The following WDR75 variants were observed in gnomAD, a reference collection of about 807,000 sequenced individuals.
The protein encoded by WDR75 is WD repeat-containing protein 75.
In WDR75, 52 loss-of-function variants were observed where a neutral mutation model predicts 106.1. The observed-to-expected ratio is 0.49, with a 90% CI of 0.39 to 0.62. The LOEUF (loss-of-function observed/expected upper bound fraction) is 0.62. Ranked by LOEUF, WDR75 falls within the 20% of genes least tolerant of loss-of-function variation. WDR75 has a pLI of 0.00. For synonymous variants in WDR75, 333 were observed against 335.5 expected (o/e 0.99, Z 0.08); for missense variants, 905 against 970.3 (o/e 0.93, Z 0.89).
chr2:189,462,359 T>C, intron 8 of WDR75, 125 bp from the exon 9 acceptor site: 1 of 1,109,082 alleles, frequency 9.0e-7, no homozygotes, highest in Non-Finnish European at 1.3e-6. Flanking sequence ...ACGAAGACAC[T>C]TTTTGTAGCT....
Position 189,466,441 on chromosome 2 carries a change from A to T in WDR75, c.1306A>T (p.Lys436Ter), listed in dbSNP as rs1687000701. The change falls in exon 13 of 21, where the codon AAA becomes TAA. Residue 436 changes from lysine (K) to a stop codon, truncating the protein, a stop_gained. Transcript: ENST00000314761. LOFTEE classifies it high-confidence loss of function. Reference sequence around the variant, plus strand: ...TCCCGCTAGGTTTATTCTTAACACTAAAATTAACATGCCACACGAAGACTG... The same window carrying T: ...TCCCGCTAGGTTTATTCTTAACACTTAAATTAACATGCCACACGAAGACTG... ...KKTQGFILNTKINMPHEDCIT... is the reference protein window; with the variant it reads ...KKTQGFILNT The T allele has an allele frequency of 6.2e-7, 1 of 1,612,512 alleles. No homozygotes were observed.
intron 20 of WDR75, 115 bp downstream of exon 20, chr2:189,474,923 A>T (rs1305041185): frequency 2.1e-5 from 19 of 899,856 alleles, no homozygotes; most frequent in Non-Finnish European, 3.1e-5. Flanking sequence ...CATAAGTTTT[A>T]AAATAGATTT....
At chr2:189,458,636 G>T in intron 6 of WDR75, 117 bp from the exon 7 acceptor site, 3 of 800,808 alleles carry the variant, frequency 3.7e-6, no homozygotes, top group South Asian at 7.7e-5. Context: ...TATATTTATT[G>T]AATTCTGAGC....
At chr2:189,453,598 T>G (rs959266912) in intron 4 of WDR75, among the ~76,000 whole-genome samples, 9 of 152,192 alleles carry the variant, frequency 5.9e-5, no homozygotes, top group African/African-American at 2.2e-4. Flanking sequence ...GATCTTGTGT[T>G]GTAATCTAAA....
At position 189,466,712 on chromosome 2, in the gene WDR75, T is replaced by G. The variant is rs1446605761; in HGVS notation, c.1447+130T>G. On this transcript the variant is annotated intron_variant, in intron 13 of 20. Transcript: ENST00000314761. ...GAATTCTACAGGATATTGCTTAATCTTAATAGATTTAAGAGATTACATTTT... is the reference window on the plus strand; with the variant it reads ...GAATTCTACAGGATATTGCTTAATCGTAATAGATTTAAGAGATTACATTTT... The G allele has an allele frequency of 3.3e-6, 3 of 917,360 alleles. No homozygotes were observed. In the African/African-American group the frequency reaches 5.1e-5, roughly 16 times the overall value. The allele number at this position is 917,360 out of a possible 1,614,324, so 56.8% of individuals were successfully genotyped here. A position where few individuals can be genotyped will look rare whatever the true frequency, so the allele number is the denominator to read the frequency against.
chr2:189,454,615 G>A (rs187642878), intron 4 of WDR75, among the ~76,000 whole-genome samples: 9,741 of 151,276 alleles, frequency 0.064, 477 homozygotes, highest in African/African-American at 0.14. Flanking sequence ...TCCACCTCCC[G>A]GGTTCACGCC....
chr2:189,447,941 T>C (rs375584072), intron 1 of WDR75, among the ~76,000 whole-genome samples: 9 of 152,326 alleles, frequency 5.9e-5, no homozygotes, highest in East Asian at 1.9e-4. Context: ...AGGGACCCAA[T>C]TGGAGATAAC....
In WDR75 at chr2:189,466,474, GCTCT is replaced by G; in HGVS notation, c.1342_1345del (p.Leu448ValfsTer27). On this transcript the variant is annotated frameshift_variant, in exon 13 of 21. Transcript: ENST00000314761. LOFTEE classifies it high-confidence loss of function. ...CATGCCACACGAAGACTGCATTACAGCTCTCTGTTTCTGTAATGCAGAAAAATCT... is the reference window on the plus strand; with the variant it reads ...CATGCCACACGAAGACTGCATTACAGCTGTTTCTGTAATGCAGAAAAATCT... 1.2e-6 allele frequency: 2 copies of G among 1,613,186 alleles called. No individual in the cohort carries two copies. Among genetic ancestry groups the G allele is most frequent in the Non-Finnish European group, 1.7e-6 (2 of 1,179,424 alleles).
At chr2:189,441,932 G>A (rs1271881121) in intron 1 of WDR75, among the ~76,000 whole-genome samples, 2 of 152,154 alleles carry the variant, frequency 1.3e-5, no homozygotes, top group African/African-American at 2.4e-5. Flanking sequence ...TCATGTTTTG[G>A]AGTGACTAAA....
intron 18 of WDR75, 36 bp from the exon 19 acceptor site, chr2:189,474,150 T>C (rs779671071): frequency 3.8e-6 from 6 of 1,586,796 alleles, no homozygotes; most frequent in Non-Finnish European, 5.1e-6. Context: ...CTTCCTTTTT[T>C]CTGAAATAAT....
At position 189,459,299 on chromosome 2, in the gene WDR75, C is replaced by T. The variant is rs1433341586; in HGVS notation, c.690-37C>T. On this transcript the variant is annotated intron_variant, in intron 7 of 20. Coordinates refer to ENST00000314761, the MANE Select transcript of WDR75 (RefSeq NM_032168.3). ...ATGCCATTGTTTTCCTAACTTAAAC[C>T]TATGGTCAAAATAAGAGTTTTATCT... 1.0e-5 allele frequency: 15 copies of T among 1,505,250 alleles called. No homozygotes were observed. In the African/African-American group the frequency reaches 1.7e-4, roughly 17 times the overall value. 93.2% of individuals were successfully genotyped at this position (1,505,250 alleles called of 1,614,324 possible). A position where few individuals can be genotyped will look rare whatever the true frequency, so the allele number is the denominator to read the frequency against.
intron 15 of WDR75, among the ~76,000 whole-genome samples, chr2:189,468,890 TTACTAATCTACA>T (rs1687058620): frequency 6.6e-6 from 1 of 152,230 alleles, no homozygotes; most frequent in Non-Finnish European, 1.5e-5. Context: ...TTTTTAATAC[TTACTAATCTACA>T]TTATCCCTGA....
In WDR75 at chr2:189,470,065, T is replaced by C. The variant is rs374286844; in HGVS notation, c.1820-11T>C. 3 of 1,606,180 alleles carry C rather than the reference T, an allele frequency of 1.9e-6. No individual in the cohort carries two copies. In the African/African-American group the frequency reaches 4.0e-5, roughly 22 times the overall value. On this transcript the variant is annotated splice_polypyrimidine_tract_variant and intron_variant, in intron 16 of 20. Transcript: ENST00000314761. Reference sequence around the variant, plus strand: ...GCAAAATGTTATTGTTTCTTTGTTTTTTCCCTCTAGTGTTTGTATTTAAAC... The same window carrying C: ...GCAAAATGTTATTGTTTCTTTGTTTCTTCCCTCTAGTGTTTGTATTTAAAC...
At chr2:189,441,974 C>T (rs1300984120) in intron 1 of WDR75, among the ~76,000 whole-genome samples, 2 of 152,188 alleles carry the variant, frequency 1.3e-5, no homozygotes, top group South Asian at 2.1e-4. Context: ...TCTACCCACT[C>T]CTCACTCCTG....
intron 2 of WDR75, chr2:189,449,627 T>C: frequency 2.9e-6 from 3 of 1,038,168 alleles, no homozygotes; most frequent in Non-Finnish European, 3.5e-6. Flanking sequence ...TCAGATTTGG[T>C]TGAGGTGCAG....
At chr2:189,455,924 G>C (rs1371375737) in intron 5 of WDR75, among the ~76,000 whole-genome samples, 2 of 151,942 alleles carry the variant, frequency 1.3e-5, no homozygotes, top group African/African-American at 4.8e-5. Flanking sequence ...TGCAGCATGT[G>C]TGTATACTAA....
intron 16 of WDR75, 43 bp from the exon 17 acceptor site, chr2:189,470,033 T>A: frequency 6.3e-7 from 1 of 1,583,658 alleles, no homozygotes; most frequent in South Asian, 1.1e-5. Flanking sequence ...AGAACTAACC[T>A]TTTCAGGCAA....
chr2:189,461,061 T>TA (rs1177677345), intron 8 of WDR75, among the ~76,000 whole-genome samples: 2 of 152,256 alleles, frequency 1.3e-5, no homozygotes, highest in Non-Finnish European at 2.9e-5. Context: ...TTAAACTTCT[T>TA]AATTTTGTTT....
chr2:189,470,375 C>A, intron 17 of WDR75, 130 bp downstream of exon 17: 1 of 975,390 alleles, frequency 1.0e-6, no homozygotes, highest in Non-Finnish European at 1.5e-6. Context: ...AAAAAATTGT[C>A]TAATATGCTC....
Sources: allele counts gnomAD v4.1 joint callset (sites outside exome capture counted in the v4.1 genomes callset), GRCh38; gene constraint gnomAD v4.1.1; transcripts MANE v1.5; gene names NCBI Gene and HGNC (gene_info 2026-07-23, HGNC 2026-07-21).